The following MYO1E variants were observed in gnomAD, a reference collection of about 807,000 sequenced individuals.
MYO1E encodes myosin IE, also known as unconventional myosin-Ie.
A neutral mutation model predicts 151.1 loss-of-function variants in MYO1E; 68 were observed. The observed-to-expected ratio is 0.45, with a 90% CI of 0.37 to 0.55. The LOEUF (loss-of-function observed/expected upper bound fraction) is 0.55. Ranked by LOEUF, MYO1E falls within the 20% of genes least tolerant of loss-of-function variation. MYO1E has a pLI of 0.00. For synonymous variants in MYO1E, 601 were observed against 501.7 expected, an observed-to-expected ratio of 1.20 and a Z score of -2.64; for missense variants, 1,363 against 1,389.3, an observed-to-expected ratio of 0.98 and a Z score of 0.30.
intron 25 of MYO1E, among the ~76,000 whole-genome samples, chr15:59,156,703 A>G (rs1217169426): frequency 6.6e-6 from 1 of 152,262 alleles, no homozygotes; most frequent in Non-Finnish European, 1.5e-5. Flanking sequence ...GACTGGAATC[A>G]AATACAGTCT....
rs775582897 is a variant in MYO1E, at chr15:59,210,516, C to T, written c.1360G>A (p.Val454Met). The change falls in exon 13 of 28, where the codon GTG becomes ATG. Residue 454 changes from valine (V) to methionine (M), a missense_variant and splice_region_variant. Val to Met is a conservative substitution (Grantham distance 21). Transcript: ENST00000288235. ...KIVCDLIENK[V>M]NPPGIMSILD... Reference sequence around the variant, plus strand: ...AGACATACTAAATGAACACTTACCACTTTGTTCTCTATGAGGTCACATACG... The same window carrying T: ...AGACATACTAAATGAACACTTACCATTTTGTTCTCTATGAGGTCACATACG... 2 of 1,577,772 alleles carry T rather than the reference C, an allele frequency of 1.3e-6. No homozygotes were observed. The highest frequency in any genetic ancestry group is 1.7e-6 in the Non-Finnish European group (2 of 1,146,990).
chr15:59,335,417 G>C (rs1177393879), intron 1 of MYO1E, among the ~76,000 whole-genome samples: 3 of 152,030 alleles, frequency 2.0e-5, no homozygotes, highest in African/African-American at 7.2e-5. Context: ...AGATTTTACG[G>C]ATTTTGAAAG....
intron 17 of MYO1E, among the ~76,000 whole-genome samples, chr15:59,191,625 G>C (rs557516114): frequency 6.6e-6 from 1 of 152,238 alleles, no homozygotes; most frequent in South Asian, 2.1e-4. Flanking sequence ...ACATAGGAAG[G>C]AATATTCCTC....
chr15:59,144,789 A>G (rs139819846), intron 26 of MYO1E, among the ~76,000 whole-genome samples: 215 of 152,256 alleles, frequency 1.4e-3, no homozygotes, highest in African/African-American at 4.5e-3. Context: ...AACCCAGGCA[A>G]TCTCCTCTGC....
intron 26 of MYO1E, among the ~76,000 whole-genome samples, chr15:59,145,523 A>AT (rs1428992794): frequency 1.3e-5 from 2 of 152,130 alleles, no homozygotes; most frequent in African/African-American, 4.8e-5. Context: ...AGTAGCTGGG[A>AT]TTACAAGCAT....
At chr15:59,174,963 G>T (rs1483420599) in intron 19 of MYO1E, among the ~76,000 whole-genome samples, 1 of 152,116 alleles carries the variant, frequency 6.6e-6, no homozygotes, top group African/African-American at 2.4e-5. Context: ...GCCTCAACCA[G>T]GCCTTGGAAT....
At chr15:59,326,591 T>C (rs1435839626) in intron 1 of MYO1E, among the ~76,000 whole-genome samples, 3 of 152,234 alleles carry the variant, frequency 2.0e-5, no homozygotes, top group Admixed American at 6.5e-5. Context: ...TGTTTTTCAA[T>C]GTCGTATCGA....
rs546184987 is a variant in MYO1E, at chr15:59,357,049, G to A, written c.3+15449C>T. On this transcript the variant is annotated intron_variant, in intron 1 of 27. Transcript: ENST00000288235. The stretch of plus-strand genomic sequence containing the variant: ...GCCTCTCAAGTAGCTGGGATTACAG[G>A]CGCCCACCACCACACCCAGCTAATT... Among the ~76,000 whole-genome samples, 18 of 152,088 alleles carry A rather than the reference G, an allele frequency of 1.2e-4. 2 individuals carry two copies. The South Asian group carries it at 3.7e-3, about 32-fold the overall frequency.
intron 1 of MYO1E, among the ~76,000 whole-genome samples, chr15:59,305,898 G>A (rs1367303194): frequency 6.6e-6 from 1 of 152,142 alleles, no homozygotes; most frequent in Non-Finnish European, 1.5e-5. Flanking sequence ...GGGCCCATAA[G>A]GATGAGGACA....
At chr15:59,242,801 T>C (rs2080107889) in intron 4 of MYO1E, among the ~76,000 whole-genome samples, 1 of 152,234 alleles carries the variant, frequency 6.6e-6, no homozygotes, top group South Asian at 2.1e-4. Context: ...GAGCCCTGCA[T>C]TGTTTCTATG....
intron 16 of MYO1E, among the ~76,000 whole-genome samples, chr15:59,201,299 G>A (rs147570831): frequency 2.6e-4 from 39 of 151,554 alleles, no homozygotes; most frequent in African/African-American, 9.0e-4. Flanking sequence ...TCATTATATC[G>A]CACAGGTTGG....
rs1267551522 is a variant in MYO1E, at chr15:59,372,634, C to G, written c.-134G>C. On this transcript the variant is annotated 5_prime_UTR_variant, in exon 1 of 28. Coordinates refer to ENST00000288235, the MANE Select transcript of MYO1E (RefSeq NM_004998.4). ...CAGGCTCCCGACACCCAAGCACTCA[C>G]AGGAGCCAATGGGAACCCAGAGGGG... The G allele has an allele frequency of 1.7e-6, 2 of 1,200,372 alleles. No homozygotes were observed. Among genetic ancestry groups the G allele is most frequent in the Non-Finnish European group, 2.3e-6 (2 of 864,178 alleles). 74.4% of individuals were successfully genotyped at this position (1,200,372 alleles called of 1,614,324 possible).
At chr15:59,190,266 A>G (rs1452907847) in intron 17 of MYO1E, among the ~76,000 whole-genome samples, 1 of 152,228 alleles carries the variant, frequency 6.6e-6, no homozygotes, top group East Asian at 1.9e-4. Flanking sequence ...ATTGTGCTGC[A>G]GTAGGGAGGT....
intron 9 of MYO1E, among the ~76,000 whole-genome samples, chr15:59,219,330 T>C (rs4774322): frequency 0.16 from 24,039 of 152,258 alleles, 3,022 homozygotes; most frequent in East Asian, 0.5. Flanking sequence ...AAGATTTTTA[T>C]AGATGCAATG....
chr15:59,147,254 T>G (rs951754181), intron 26 of MYO1E, among the ~76,000 whole-genome samples: 21 of 152,184 alleles, frequency 1.4e-4, no homozygotes, highest in Non-Finnish European at 2.5e-4. Flanking sequence ...GTCCATCCTT[T>G]CCATGGGCTG....
intron 27 of MYO1E, 136 bp downstream of exon 27, chr15:59,138,062 G>A (rs1255414824): frequency 9.6e-6 from 10 of 1,040,218 alleles, no homozygotes; most frequent in African/African-American, 1.6e-5. Flanking sequence ...ATCAGACTGA[G>A]CCTGAGGCCT....
intron 1 of MYO1E, among the ~76,000 whole-genome samples, chr15:59,326,262 G>A (rs562411599): frequency 7.4e-4 from 113 of 152,200 alleles, no homozygotes; most frequent in Non-Finnish European, 1.1e-3. Context: ...GCTCACGCCC[G>A]TAATTCCAGC....
rs540340047 is a variant in MYO1E, at chr15:59,159,523, C to T, written c.2786-1144G>A. ...GGGACTTCATGTGCCTCCTTCCTGA[C>T]TGTAGCCTTCAGTTCACCTCGTTCC... On this transcript the variant is annotated intron_variant, in intron 24 of 27. Coordinates refer to ENST00000288235, the MANE Select transcript of MYO1E (RefSeq NM_004998.4). This position sits in a 1 kb window ranked among gnomAD's most constrained non-coding sequence, Gnocchi z 4.4. 1.3e-5 allele frequency among the ~76,000 whole-genome samples: 2 copies of T among 152,228 alleles called. No homozygotes were observed. The highest frequency in any genetic ancestry group is 2.9e-5 in the Non-Finnish European group (2 of 68,038).
rs2079364334 is a variant in MYO1E, at chr15:59,135,039, A to G, written c.*2341T>C. ...GTTTAAGATAAACCACTATTTCTCC[A>G]AACTTTTCTTAATAGTGTCAGCATT... On this transcript the variant is annotated 3_prime_UTR_variant, in exon 28 of 28. Coordinates refer to ENST00000288235, the MANE Select transcript of MYO1E (RefSeq NM_004998.4). The G allele has an allele frequency of 6.6e-6, 1 of 152,238 alleles. No individual in the cohort carries two copies. The highest frequency in any genetic ancestry group is 1.5e-5 in the Non-Finnish European group (1 of 68,044). 9.4% of individuals were successfully genotyped at this position (152,238 alleles called of 1,614,324 possible).
Sources: gnomAD v4.1 joint callset for allele counts (sites outside exome capture counted in the v4.1 genomes callset) on GRCh38, gnomAD v4.1.1 for gene constraint, Gnocchi (gnomAD v3.1) non-coding constraint, MANE v1.5 for transcripts, NCBI Gene and HGNC (gene_info 2026-07-23, HGNC 2026-07-21) for gene names.